RPS10: variants seen among roughly 807,000 people sequenced by gnomAD.
RPS10 encodes small ribosomal subunit protein eS10.
A neutral mutation model predicts 22.6 loss-of-function variants in RPS10; 2 were observed. That is an observed-to-expected ratio of 0.09 (90% CI 0.04 to 0.28). The LOEUF (loss-of-function observed/expected upper bound fraction) is 0.28. Ranked by LOEUF, RPS10 falls within the 10% of genes least tolerant of loss-of-function variation. The probability of loss-of-function intolerance (pLI) is 1.00; values close to 1 mark genes in which losing one functional copy is unlikely to be tolerated. For missense variants in RPS10, 137 were observed against 222.2 expected, an observed-to-expected ratio of 0.62 and a Z score of 2.44; for synonymous variants, 70 against 75.9, an observed-to-expected ratio of 0.92 and a Z score of 0.40.
At chr6:34,417,970 T>C in intron 5 of RPS10, 2 of 713,066 alleles carry the variant, frequency 2.8e-6, no homozygotes, top group South Asian at 1.5e-5. Context: ...TTAGTAGCTG[T>C]AATTATCACC....
chr6:34,418,495 A>G (rs1172939509), intron 4 of RPS10, 71 bp from the exon 5 acceptor site: 56 of 1,607,246 alleles, frequency 3.5e-5, no homozygotes, highest in Non-Finnish European at 2.6e-6. Context: ...AAGACAACTC[A>G]CTGACTCCAA....
In RPS10 at chr6:34,418,380, C is replaced by T. The variant is rs775548399; in HGVS notation, c.445G>A (p.Glu149Lys). The T allele has an allele frequency of 5.0e-6, 8 of 1,614,112 alleles. No homozygotes were observed. The highest frequency in any genetic ancestry group is 4.2e-6 in the Non-Finnish European group (5 of 1,180,010). The change falls in exon 5 of 6, where the codon GAA (glutamate) becomes AAA (lysine). Residue 149 changes from glutamate (E) to lysine (K), a missense_variant. By Grantham distance (56) the Glu-to-Lys change is moderately conservative. Transcript: ENST00000648437. ...AGGAAGATACTCACAAACTGGAATT[C>T]GGTTGCTGACCCAGCCCCAGCCTCG... Reference protein sequence around the residue: ...KAEAGAGSATEFQFRGGFGRG... With the variant: ...KAEAGAGSATKFQFRGGFGRG...
chr6:34,422,596 C>G (rs1054380393), intron 3 of RPS10, among the ~76,000 whole-genome samples: 7 of 151,256 alleles, frequency 4.6e-5, no homozygotes, highest in Non-Finnish European at 1.0e-4. Context: ...ATTATAGGCA[C>G]GAGCCACCAC....
intron 2 of RPS10, 65 bp downstream of exon 2, chr6:34,425,007 C>T (rs1449802819): frequency 1.9e-6 from 3 of 1,610,040 alleles, no homozygotes; most frequent in Non-Finnish European, 2.5e-6. Flanking sequence ...CATCCCATTC[C>T]ATCCCATCCC....
chr6:34,425,275 C>T (rs558518054), intron 1 of RPS10, 54 bp from the exon 2 acceptor site: 5 of 1,553,538 alleles, frequency 3.2e-6, no homozygotes, highest in Non-Finnish European at 4.3e-6. Flanking sequence ...GGCCGGGGCC[C>T]GGTAATCAAG....
Position 34,425,120 on chromosome 6 carries a change from C to T in RPS10, c.102G>A (p.Glu34=), listed in dbSNP as rs1765911139. The T allele has an allele frequency of 6.2e-7, 1 of 1,613,106 alleles. No homozygotes were observed. The highest frequency in any genetic ancestry group is 8.5e-7 in the Non-Finnish European group (1 of 1,179,974). ...KKDVHMPKHP[E]LADKNVPNLH... ...GGTTGGGCACATTCTTGTCTGCCAG[C>T]TCCGGGTGCTTAGGCATGTGGACAT... The change falls in exon 2 of 6, where the codon GAG becomes GAA. Residue 34 remains glutamate (E), a synonymous_variant. Transcript: ENST00000648437.
At position 34,424,649 on chromosome 6, in the gene RPS10, G is replaced by A; in HGVS notation, c.322+20C>T. ...GAAACTATCTTCAAATAGCTGAAGG[G>A]ATTTGTGTGGGAACCATACCTTTAG... On this transcript the variant is annotated intron_variant, in intron 3 of 5. Coordinates refer to ENST00000648437, the MANE Select transcript of RPS10 (RefSeq NM_001014.5). 6.2e-7 allele frequency: 1 copy of A among 1,613,922 alleles called. No individual in the cohort carries two copies.
At chr6:34,420,989 CAG>C (rs1326564434) in intron 4 of RPS10, among the ~76,000 whole-genome samples, 3 of 145,022 alleles carry the variant, frequency 2.1e-5, no homozygotes, top group Non-Finnish European at 4.5e-5. Context: ...GCCTGGGTGA[CAG>C]AGCGAGACTG....
rs376353902 is a variant in RPS10 at position 34,421,779 on chromosome 6, G to A, written c.351C>T (p.Leu117=). 24 of 1,613,770 alleles carry A rather than the reference G, an allele frequency of 1.5e-5. No homozygotes were observed. In the African/African-American group the frequency reaches 2.7e-4, roughly 18 times the overall value. ...TATCTCTGTCAGCTTCCCCTCTTGTGAGTCTCGCAGGTCGCTCACCCTCCA... is the reference window on the plus strand; with the variant it reads ...TATCTCTGTCAGCTTCCCCTCTTGTAAGTCTCGCAGGTCGCTCACCCTCCA... The part of the protein sequence containing the change: ...KGLEGERPAR[L]TRGEADRDTY... The change falls in exon 4 of 6, where the codon CTC becomes CTT. Residue 117 remains leucine (L), a synonymous_variant. Coordinates refer to ENST00000648437, the MANE Select transcript of RPS10 (RefSeq NM_001014.5).
chr6:34,418,876 T>G (rs1468336880), intron 4 of RPS10, among the ~76,000 whole-genome samples: 1 of 152,068 alleles, frequency 6.6e-6, no homozygotes, highest in African/African-American at 2.4e-5. Context: ...AATTCACCAG[T>G]TTTCTTTTAC....
chr6:34,418,338 G>T (rs1362358981), intron 5 of RPS10, 31 bp downstream of exon 5: 2 of 1,613,884 alleles, frequency 1.2e-6, no homozygotes, highest in African/African-American at 1.3e-5. Flanking sequence ...ACAAGTGATG[G>T]CTCATGGAAA....
chr6:34,424,542 T>C, intron 3 of RPS10, 127 bp downstream of exon 3: 1 of 1,305,154 alleles, frequency 7.7e-7, no homozygotes, highest in Non-Finnish European at 1.1e-6. Flanking sequence ...GGACAAAGGT[T>C]CTAGCACTTG....
At chr6:34,421,116 A>G (rs1201476853) in intron 4 of RPS10, among the ~76,000 whole-genome samples, 1 of 142,570 alleles carries the variant, frequency 7.0e-6, no homozygotes, top group Non-Finnish European at 1.5e-5. Flanking sequence ...TTTTTTTGAG[A>G]CAGTCTTGCT....
intron 3 of RPS10, among the ~76,000 whole-genome samples, chr6:34,423,865 T>A (rs1765854649): frequency 6.6e-6 from 1 of 151,430 alleles, no homozygotes. Flanking sequence ...GGCAACAGAG[T>A]GAGACTCTGT....
At chr6:34,418,341 C>T (rs1407862254) in intron 5 of RPS10, 28 bp downstream of exon 5, 4 of 1,614,038 alleles carry the variant, frequency 2.5e-6, no homozygotes, top group South Asian at 1.1e-5. Context: ...AGTGATGGCT[C>T]ATGGAAAACA....
intron 3 of RPS10, among the ~76,000 whole-genome samples, chr6:34,423,981 T>C (rs1326351351): frequency 6.6e-6 from 1 of 151,878 alleles, no homozygotes; most frequent in Non-Finnish European, 1.5e-5. Flanking sequence ...GGCCCTCTGA[T>C]GATCACATTT....
chr6:34,422,313 ATTAT>A (rs1327442795), intron 3 of RPS10, among the ~76,000 whole-genome samples: 1 of 152,020 alleles, frequency 6.6e-6, no homozygotes, highest in Non-Finnish European at 1.5e-5. Context: ...CAGAAACTTT[ATTAT>A]TTATTATCTT....
chr6:34,419,680 C>G (rs1765697705), intron 4 of RPS10, among the ~76,000 whole-genome samples: 4 of 152,004 alleles, frequency 2.6e-5, no homozygotes. Flanking sequence ...TGGGTTCAAG[C>G]GATTCTCCTG....
intron 1 of RPS10, 175 bp from the exon 2 acceptor site, chr6:34,425,396 AAC>A (rs1765921346): frequency 1.3e-6 from 1 of 744,892 alleles, no homozygotes; most frequent in South Asian, 1.6e-5. Flanking sequence ...CCCACCCCCA[AAC>A]ACAATTCAGG....
Sources: allele counts gnomAD v4.1 joint callset (sites outside exome capture counted in the v4.1 genomes callset), GRCh38; gene constraint gnomAD v4.1.1; transcripts MANE v1.5; gene names NCBI Gene and HGNC (gene_info 2026-07-23, HGNC 2026-07-21).